Variants in ARAP2 observed in about 807,000 individuals in gnomAD.
ARAP2 encodes ArfGAP with RhoGAP domain, ankyrin repeat and PH domain 2.
In ARAP2, 148 loss-of-function variants were observed where a neutral mutation model predicts 194.5. The observed-to-expected ratio is 0.76, with a 90% CI of 0.67 to 0.87. ARAP2 has a LOEUF of 0.87. ARAP2 is among the 40% of genes least tolerant of loss of function. ARAP2 has a pLI of 0.00. For missense variants in ARAP2, 2,128 were observed against 1,989.7 expected (o/e 1.07, Z -1.32); for synonymous variants, 695 against 683.5 (o/e 1.02, Z -0.26).
intron 6 of ARAP2, among the ~76,000 whole-genome samples, chr4:36,193,956 A>G (rs1742519902): frequency 1.3e-5 from 2 of 152,218 alleles, no homozygotes. Flanking sequence ...ATTTCTAATA[A>G]TAAAGATAAT....
In ARAP2 at chr4:36,068,206, T is replaced by C. The variant is rs753593900; in HGVS notation, c.4816A>G (p.Lys1606Glu). The part of the protein sequence containing the change: ...CDKESVDSSL[K>E]ERASMVAHCL... ...TGGGCCACCATGGAAGCTCTCTCCT[T>C]TAAGCTAGAGTCCACGGACTCTTTA... Residue 1606 changes from lysine (K) to glutamate (E), a missense_variant, in exon 33 of 33, where the codon AAG becomes GAG. Transcript: ENST00000303965. The C allele has an allele frequency of 1.2e-6, 2 of 1,613,398 alleles. No homozygotes were observed. The highest frequency in any genetic ancestry group is 1.7e-6 in the Non-Finnish European group (2 of 1,179,744).
chr4:36,159,331 C>A lies in ARAP2; in HGVS notation c.2617G>T (p.Asp873Tyr). The A allele has an allele frequency of 6.3e-7, 1 of 1,594,700 alleles. No homozygotes were observed. The highest frequency in any genetic ancestry group is 8.6e-7 in the Non-Finnish European group (1 of 1,168,416). ...GGTTAATGAAGAGACAGTGACGAAC[C>A]TGAGAATTTGTTATGGTAGAGAAAT... is the stretch of plus-strand genomic sequence containing the variant. ...MEFLYHNKFS[D>Y]FPQHDIHSEG... Residue 873 changes from aspartate (D) to tyrosine (Y), a missense_variant and splice_region_variant, in exon 14 of 33, where the codon GAT (aspartate) becomes TAT (tyrosine). Physicochemically the swap from Asp to Tyr is radical, Grantham distance 160. Coordinates refer to ENST00000303965, the MANE Select transcript of ARAP2 (RefSeq NM_015230.4).
At position 36,147,398 on chromosome 4, in the gene ARAP2, A is replaced by G. The variant is rs1729893451; in HGVS notation, c.3200-39T>C. The G allele has an allele frequency of 1.9e-6, 3 of 1,601,490 alleles. No homozygotes were observed. The East Asian group carries it at 6.7e-5, about 36-fold the overall frequency. ...GAAAAGCAAAAATTTATTTTTTAAA[A>G]CACTGTAATAAACACCCATGAAGAC... On this transcript the variant is annotated intron_variant, in intron 18 of 32. Coordinates refer to ENST00000303965, the MANE Select transcript of ARAP2 (RefSeq NM_015230.4).
intron 5 of ARAP2, among the ~76,000 whole-genome samples, chr4:36,030,406 TTTCCATGTGCACC>T (rs1416910568): frequency 2.0e-5 from 3 of 152,166 alleles, no homozygotes; most frequent in Non-Finnish European, 2.9e-5. Context: ...TGAGTTAATA[TTTCCATGTGCACC>T]ATGTATCCTT....
intron 6 of ARAP2, among the ~76,000 whole-genome samples, chr4:36,018,801 G>A (rs940158105): frequency 4.3e-4 from 65 of 152,172 alleles, no homozygotes; most frequent in Non-Finnish European, 5.3e-4. Flanking sequence ...GAAGTGAGAT[G>A]AGCAACTTTT....
At chr4:36,072,537 T>C (rs1361853331) in intron 32 of ARAP2, among the ~76,000 whole-genome samples, 1 of 152,006 alleles carries the variant, frequency 6.6e-6, no homozygotes, top group Non-Finnish European at 1.5e-5. Flanking sequence ...GGCGTATCTC[T>C]CCCTATGTTA....
rs573001189 is a variant in ARAP2 at position 36,197,375 on chromosome 4, G to A, written c.1488-3728C>T. 5.9e-5 allele frequency among the ~76,000 whole-genome samples: 9 copies of A among 152,272 alleles called. No individual in the cohort carries two copies. The South Asian group carries it at 1.5e-3, about 25-fold the overall frequency. On this transcript the variant is annotated intron_variant, in intron 6 of 32. Coordinates refer to ENST00000303965, the MANE Select transcript of ARAP2 (RefSeq NM_015230.4). ...AAAGATATTTACTTGAATTTCTATC[G>A]TATAAATATAGAAATAAACACTACT...
chr4:36,114,149 C>A, intron 26 of ARAP2, 21 bp downstream of exon 26: 1 of 1,455,566 alleles, frequency 6.9e-7, no homozygotes, highest in Non-Finnish European at 9.6e-7. Flanking sequence ...TTTAAGAATC[C>A]CTAGCATAAA....
intron 8 of ARAP2, among the ~76,000 whole-genome samples, chr4:36,185,445 A>C (rs2109882861): frequency 6.6e-6 from 1 of 152,230 alleles, no homozygotes; most frequent in East Asian, 1.9e-4. Context: ...AGTAATCCAC[A>C]GTTTGAACAA....
At chr4:36,073,227 G>T (rs1727448701) in intron 32 of ARAP2, among the ~76,000 whole-genome samples, 1 of 152,048 alleles carries the variant, frequency 6.6e-6, no homozygotes, top group Admixed American at 6.6e-5. Flanking sequence ...CTTCTTTCTT[G>T]ATTCTCAGGG....
At chr4:36,010,598 C>G (rs1714312465) in intron 9 of ARAP2, among the ~76,000 whole-genome samples, 1 of 152,124 alleles carries the variant, frequency 6.6e-6, no homozygotes, top group Admixed American at 6.6e-5. Flanking sequence ...ATTCTCTCAC[C>G]CAGTTGCCAT....
At chr4:36,054,829 A>G (rs1723232481) in intron 2 of ARAP2, among the ~76,000 whole-genome samples, 1 of 152,188 alleles carries the variant, frequency 6.6e-6, no homozygotes, top group African/African-American at 2.4e-5. Context: ...TCAGAGAAAT[A>G]CTTTTTAAGT....
intron 5 of ARAP2, among the ~76,000 whole-genome samples, chr4:36,030,841 T>G (rs1441848383): frequency 1.3e-5 from 2 of 148,906 alleles, no homozygotes; most frequent in Non-Finnish European, 3.0e-5. Flanking sequence ...TATAACTATT[T>G]AAATTTCTGG....
At chr4:36,201,434 A>C (rs1744341837) in intron 6 of ARAP2, among the ~76,000 whole-genome samples, 1 of 152,236 alleles carries the variant, frequency 6.6e-6, no homozygotes, top group Admixed American at 6.5e-5. Context: ...CCTTCAGGAA[A>C]AAAGGTAAAG....
At chr4:36,043,776 GA>G (rs1721259690) in intron 5 of ARAP2, among the ~76,000 whole-genome samples, 1 of 78,968 alleles carries the variant, frequency 1.3e-5, no homozygotes, top group Admixed American at 1.7e-4. Context: ...GAAAAATAAA[GA>G]AAAGAAAGAA....
chr4:36,179,259 C>G (rs1049370360), intron 8 of ARAP2, among the ~76,000 whole-genome samples: 1 of 152,068 alleles, frequency 6.6e-6, no homozygotes, highest in Non-Finnish European at 1.5e-5. Context: ...AATACAATGA[C>G]TAATGAGGAA....
intron 6 of ARAP2, among the ~76,000 whole-genome samples, chr4:36,208,817 G>A (rs1187572317): frequency 1.3e-5 from 2 of 151,084 alleles, no homozygotes; most frequent in East Asian, 3.9e-4. Context: ...ACTCATCTCG[G>A]TATTTTGGTT....
At chr4:36,058,814 C>A (rs1723943909) in intron 1 of ARAP2, among the ~76,000 whole-genome samples, 1 of 151,936 alleles carries the variant, frequency 6.6e-6, no homozygotes, top group East Asian at 2.0e-4. Flanking sequence ...AAAATATATA[C>A]TAATAAATAT....
chr4:36,160,715 A>G (rs1733707023), intron 12 of ARAP2, 74 bp from the exon 13 acceptor site: 15 of 1,180,980 alleles, frequency 1.3e-5, no homozygotes, highest in East Asian at 6.2e-5. Flanking sequence ...AAACTGAATT[A>G]TATTACAAAT....
Sources: allele counts gnomAD v4.1 joint callset (sites outside exome capture counted in the v4.1 genomes callset), GRCh38; gene constraint gnomAD v4.1.1; transcripts MANE v1.5; gene names NCBI Gene and HGNC (gene_info 2026-07-23, HGNC 2026-07-21).